ROBO2: variants seen among roughly 807,000 people sequenced by gnomAD.
ROBO2 encodes roundabout guidance receptor 2, also known as roundabout homolog 2.
A neutral mutation model predicts 160.8 loss-of-function variants in ROBO2; 53 were observed. The observed-to-expected ratio is 0.33, with a 90% CI of 0.26 to 0.41. The LOEUF is 0.41. Among genes scored for constraint, ROBO2 ranks in the 10% least tolerant of loss-of-function variants. The probability of loss-of-function intolerance (pLI) is 1.00; values close to 1 mark genes in which losing one functional copy is unlikely to be tolerated. For synonymous variants in ROBO2, 664 were observed against 611.7 expected (o/e 1.09, Z -1.26); for missense variants, 1,577 against 1,722.4 (o/e 0.92, Z 1.49).
intron 2 of ROBO2, among the ~76,000 whole-genome samples, chr3:76,826,102 A>G (rs1293124015): frequency 6.6e-6 from 1 of 151,142 alleles, no homozygotes; most frequent in Non-Finnish European, 1.5e-5. Context: ...TGAATTAGTA[A>G]TTTAGAGTTT....
At chr3:76,660,921 A>G (rs898703933) in intron 2 of ROBO2, among the ~76,000 whole-genome samples, 1 of 152,164 alleles carries the variant, frequency 6.6e-6, no homozygotes, top group Non-Finnish European at 1.5e-5. Flanking sequence ...CTATATATCT[A>G]TAGGTAGAAA....
chr3:76,334,142 A>T (rs1353202795), intron 2 of ROBO2, among the ~76,000 whole-genome samples: 4 of 152,006 alleles, frequency 2.6e-5, no homozygotes, highest in Non-Finnish European at 5.9e-5. Context: ...AAAGTATAAT[A>T]AAAAAATATA....
At chr3:76,769,444 A>C (rs985896222) in intron 2 of ROBO2, among the ~76,000 whole-genome samples, 5 of 151,356 alleles carry the variant, frequency 3.3e-5, no homozygotes, top group African/African-American at 1.2e-4. Context: ...GGTCGGCTGT[A>C]CAACTCAGGG....
At chr3:77,389,969 G>A (rs2074547270) in intron 2 of ROBO2, among the ~76,000 whole-genome samples, 1 of 152,144 alleles carries the variant, frequency 6.6e-6, no homozygotes, top group East Asian at 1.9e-4. Flanking sequence ...ACTAGAAAGG[G>A]ATACAAAGAA....
At chr3:76,233,261 C>G (rs957932763) in intron 2 of ROBO2, among the ~76,000 whole-genome samples, 91 of 152,186 alleles carry the variant, frequency 6.0e-4, no homozygotes, top group African/African-American at 1.9e-3. Context: ...TCTCCTGCCT[C>G]ACCTCCCAAG....
chr3:76,768,596 T>C (rs2061699618), intron 2 of ROBO2, among the ~76,000 whole-genome samples: 2 of 150,988 alleles, frequency 1.3e-5, no homozygotes, highest in Non-Finnish European at 3.0e-5. Flanking sequence ...CACTTTCCAT[T>C]TGAGATGAAA....
intron 2 of ROBO2, among the ~76,000 whole-genome samples, chr3:76,958,302 A>G (rs1460632309): frequency 1.3e-5 from 2 of 152,170 alleles, no homozygotes; most frequent in African/African-American, 4.8e-5. Context: ...CCATATTTAA[A>G]CAAATCTAAA....
intron 2 of ROBO2, among the ~76,000 whole-genome samples, chr3:76,477,446 T>C (rs952889217): frequency 2.6e-5 from 4 of 152,086 alleles, no homozygotes; most frequent in African/African-American, 4.8e-5. Flanking sequence ...TGCAATGCTA[T>C]AGAAATAGCA....
chr3:76,989,466 G>A (rs1443416403), intron 2 of ROBO2, among the ~76,000 whole-genome samples: 1 of 151,948 alleles, frequency 6.6e-6, no homozygotes, highest in African/African-American at 2.4e-5. Flanking sequence ...GTCTCTGTAA[G>A]TAGTTTGGGG....
At chr3:77,036,962 G>A (rs1346077142), upstream of ROBO2, among the ~76,000 whole-genome samples, 1 of 151,802 alleles carries the variant, frequency 6.6e-6, no homozygotes, top group Non-Finnish European at 1.5e-5. Flanking sequence ...AACATTTGGA[G>A]TGAGAAATCC....
chr3:76,313,020 A>G (rs894506925), intron 2 of ROBO2, among the ~76,000 whole-genome samples: 7 of 152,224 alleles, frequency 4.6e-5, no homozygotes, highest in African/African-American at 1.7e-4. Context: ...TACTCTAACT[A>G]GCTCAGCTAG....
intron 22 of ROBO2, among the ~76,000 whole-genome samples, chr3:77,618,509 A>G (rs749888777): frequency 6.6e-6 from 1 of 152,100 alleles, no homozygotes; most frequent in Admixed American, 6.6e-5. Flanking sequence ...TTTAATTTTC[A>G]AAAGCCCAGG....
At chr3:77,462,195 T>C (rs1311132157) in intron 2 of ROBO2, among the ~76,000 whole-genome samples, 1 of 152,224 alleles carries the variant, frequency 6.6e-6, no homozygotes, top group African/African-American at 2.4e-5. Context: ...TAGTAATACT[T>C]GCTCCTTCCT....
At chr3:76,190,126 G>T (rs186687457) in intron 2 of ROBO2, among the ~76,000 whole-genome samples, 1 of 152,056 alleles carries the variant, frequency 6.6e-6, no homozygotes, top group East Asian at 1.9e-4. Context: ...GCTGATGATC[G>T]GCTTGATTGT....
intron 21 of ROBO2, among the ~76,000 whole-genome samples, chr3:77,611,510 A>C (rs2094642141): frequency 6.6e-6 from 1 of 152,118 alleles, no homozygotes; most frequent in Non-Finnish European, 1.5e-5. Context: ...TGATAAGGGA[A>C]TAAAACAAAG....
intron 2 of ROBO2, among the ~76,000 whole-genome samples, chr3:76,830,381 A>G (rs2066975277): frequency 6.6e-6 from 1 of 152,146 alleles, no homozygotes. Context: ...TCCTTTGCAT[A>G]AGGTTTTCCC....
intron 2 of ROBO2, among the ~76,000 whole-genome samples, chr3:77,123,314 T>G (rs187294345): frequency 7.0e-4 from 107 of 152,282 alleles, no homozygotes; most frequent in African/African-American, 2.4e-3. Flanking sequence ...TTTGTTGGTT[T>G]GTTTGTGTTT....
chr3:76,162,382 C>G (rs1333421107), intron 2 of ROBO2, among the ~76,000 whole-genome samples: 1 of 152,034 alleles, frequency 6.6e-6, no homozygotes, highest in Non-Finnish European at 1.5e-5. Flanking sequence ...TTTTCATAGC[C>G]CACTATAGGA....
At chr3:75,910,482 C>T (rs2106721318) in intron 1 of ROBO2, among the ~76,000 whole-genome samples, 1 of 152,190 alleles carries the variant, frequency 6.6e-6, no homozygotes, top group South Asian at 2.1e-4. Flanking sequence ...TCAGATGGGA[C>T]ATAATATACT....
Sources: gnomAD v4.1 joint callset for allele counts (sites outside exome capture counted in the v4.1 genomes callset) on GRCh38, gnomAD v4.1.1 for gene constraint, MANE v1.5 for transcripts, NCBI Gene and HGNC (gene_info 2026-07-23, HGNC 2026-07-21) for gene names.